ACKR2: variants seen among roughly 807,000 people sequenced by gnomAD.
ACKR2 encodes C-C chemokine receptor D6.
For synonymous variants in ACKR2, 207 were observed against 192.2 expected, an observed-to-expected ratio of 1.08 and a Z score of -0.64; for missense variants, 457 against 477.3, an observed-to-expected ratio of 0.96 and a Z score of 0.40.
chr3:42,863,173 C>T (rs1012713114), intron 2 of ACKR2, among the ~76,000 whole-genome samples: 1 of 151,820 alleles, frequency 6.6e-6, no homozygotes, highest in Non-Finnish European at 1.5e-5. Flanking sequence ...AGAAAACAAC[C>T]CCATCAAAAA....
intron 2 of ACKR2, among the ~76,000 whole-genome samples, chr3:42,836,406 G>A (rs1314937315): frequency 6.6e-6 from 1 of 152,140 alleles, no homozygotes; most frequent in Non-Finnish European, 1.5e-5. Context: ...TTTCTTACTT[G>A]TCTGTTGCTT....
chr3:42,819,471 C>T lies in ACKR2; in HGVS notation c.-118-160C>T, dbSNP rs1052575343. 5.5e-5 allele frequency among the ~76,000 whole-genome samples: 8 copies of T among 146,602 alleles called. No homozygotes were observed. The East Asian group carries it at 1.4e-3, about 25-fold the overall frequency. ...TTCCAGTAGAAAAGAGCTGGGCTCC[C>T]TCACTGTTTCCTGGCTCTTTCCAGT... On this transcript the variant is annotated intron_variant, in intron 1 of 2. Transcript: ENST00000422265.
At chr3:42,841,973 G>A (rs13093968) in intron 2 of ACKR2, among the ~76,000 whole-genome samples, 42,959 of 152,022 alleles carry the variant, frequency 0.28, 7,685 homozygotes, top group Non-Finnish European at 0.4. Flanking sequence ...TGGGATTTTG[G>A]GCAAGTCTTC....
chr3:42,840,356 G>T lies in ACKR2; in HGVS notation c.-38+20645G>T, dbSNP rs575154003. ...TGTCCTGCTACAGAGAGCTGGGTTC[G>T]CCAGGCTGAGGGAGACAAATGACTT... On this transcript the variant is annotated intron_variant, in intron 2 of 2. Transcript: ENST00000422265. Among the ~76,000 whole-genome samples the T allele has an allele frequency of 1.7e-4, 25 of 151,338 alleles. No individual in the cohort carries two copies. In the South Asian group the frequency reaches 4.6e-3, roughly 28 times the overall value.
At chr3:42,820,096 T>C (rs892640460) in intron 2 of ACKR2, among the ~76,000 whole-genome samples, 14 of 152,194 alleles carry the variant, frequency 9.2e-5, no homozygotes, top group African/African-American at 3.1e-4. Flanking sequence ...GATTGCATAA[T>C]AAATTGAGGA....
intron 2 of ACKR2, among the ~76,000 whole-genome samples, chr3:42,854,491 G>C (rs1010324845): frequency 6.6e-6 from 1 of 151,788 alleles, no homozygotes; most frequent in Non-Finnish European, 1.5e-5. Flanking sequence ...AGGGAGTGTG[G>C]GGGGGAAGGG....
At chr3:42,857,986 G>A (rs767481260) in intron 2 of ACKR2, among the ~76,000 whole-genome samples, 30 of 152,328 alleles carry the variant, frequency 2.0e-4, no homozygotes, top group African/African-American at 4.8e-4. Flanking sequence ...CCTCCTCTCC[G>A]GGCAGGGCAT....
intron 2 of ACKR2, chr3:42,851,469 T>C (rs4683346): frequency 0.32 from 312,087 of 982,500 alleles, 51,769 homozygotes; most frequent in East Asian, 0.67. Flanking sequence ...GTTATAGCCA[T>C]ACTCGGGGTG....
At chr3:42,831,039 TA>T (rs921181094) in intron 2 of ACKR2, among the ~76,000 whole-genome samples, 4 of 146,324 alleles carry the variant, frequency 2.7e-5, no homozygotes, top group Non-Finnish European at 4.5e-5. Flanking sequence ...GCAAAAAAAA[TA>T]AAAAAAAAGA....
intron 2 of ACKR2, chr3:42,835,605 A>G (rs748702200): frequency 3.9e-5 from 6 of 152,106 alleles, no homozygotes; most frequent in African/African-American, 7.2e-5. Context: ...ACAACCATCA[A>G]TTTCAACTCC....
At chr3:42,815,674 T>A (rs551816379) in intron 1 of ACKR2, among the ~76,000 whole-genome samples, 2 of 152,348 alleles carry the variant, frequency 1.3e-5, no homozygotes, top group South Asian at 4.1e-4. Context: ...CTTATTCAAA[T>A]CTATCAGGTG....
chr3:42,841,967 A>AT, intron 2 of ACKR2, among the ~76,000 whole-genome samples: 1 of 152,202 alleles, frequency 6.6e-6, no homozygotes, highest in East Asian at 1.9e-4. Flanking sequence ...TAGCATTGGG[A>AT]TTTTGGGCAA....
chr3:42,825,416 T>G (rs1421226872), intron 2 of ACKR2, among the ~76,000 whole-genome samples: 3 of 152,172 alleles, frequency 2.0e-5, no homozygotes, highest in African/African-American at 7.2e-5. Context: ...GTATAGGCCT[T>G]GCACTTCATT....
intron 1 of ACKR2, among the ~76,000 whole-genome samples, chr3:42,817,353 C>G (rs1700762759): frequency 6.6e-6 from 1 of 152,144 alleles, no homozygotes; most frequent in Non-Finnish European, 1.5e-5. Context: ...GACTTCCATT[C>G]CCCTGATATC....
intron 2 of ACKR2, among the ~76,000 whole-genome samples, chr3:42,828,477 T>C (rs999832307): frequency 3.3e-5 from 5 of 152,188 alleles, no homozygotes; most frequent in African/African-American, 1.2e-4. Context: ...AGGTCACTTC[T>C]TTCTTCTCCC....
Position 42,815,260 on chromosome 3 carries a change from A to G in ACKR2, c.-118-4371A>G, listed in dbSNP as rs377397410. Among the ~76,000 whole-genome samples, 27 of 152,226 alleles carry G rather than the reference A, an allele frequency of 1.8e-4. 1 individual carries two copies. The highest frequency in any genetic ancestry group is 5.3e-4 in the African/African-American group (22 of 41,456). ...AAACTATTCAGTAATAACCCATTAC[A>G]TACTGTGTATTGAGACCATTTTCCC... On this transcript the variant is annotated intron_variant, in intron 1 of 2. Coordinates refer to ENST00000422265, the MANE Select transcript of ACKR2 (RefSeq NM_001296.5).
At chr3:42,812,147 A>T (rs1036573022) in intron 1 of ACKR2, among the ~76,000 whole-genome samples, 1 of 152,042 alleles carries the variant, frequency 6.6e-6, no homozygotes, top group African/African-American at 2.4e-5. Context: ...GTTCCACCTG[A>T]CGAGGAATAC....
chr3:42,833,363 AT>A (rs1030027831), intron 2 of ACKR2, among the ~76,000 whole-genome samples: 3 of 152,100 alleles, frequency 2.0e-5, no homozygotes, highest in African/African-American at 7.2e-5. Context: ...TTTATTTTTT[AT>A]TTTTTAAAGT....
intron 2 of ACKR2, among the ~76,000 whole-genome samples, chr3:42,833,680 T>C (rs917988852): frequency 8.0e-5 from 12 of 150,566 alleles, no homozygotes; most frequent in African/African-American, 2.9e-4. Context: ...TACTACTTAG[T>C]GGGAATGACG....
Sources: allele counts gnomAD v4.1 joint callset (sites outside exome capture counted in the v4.1 genomes callset), GRCh38; gene constraint gnomAD v4.1.1; transcripts MANE v1.5; gene names NCBI Gene and HGNC (gene_info 2026-07-23, HGNC 2026-07-21).